SELENOI: variants seen among roughly 807,000 people sequenced by gnomAD.
SELENOI encodes the protein ethanolaminephosphotransferase 1.
Under a neutral mutation model 50.7 loss-of-function variants are expected in SELENOI, and 24 were observed. That is an observed-to-expected ratio of 0.47 (90% CI 0.34 to 0.67). The LOEUF is 0.67. SELENOI is among the 30% of genes least tolerant of loss of function. The pLI is 0.01. For synonymous variants in SELENOI, 155 were observed against 170.2 expected (o/e 0.91, Z 0.70); for missense variants, 352 against 461.4 (o/e 0.76, Z 2.17).
intron 4 of SELENOI, among the ~76,000 whole-genome samples, chr2:26,369,526 A>G (rs1677363683): frequency 6.6e-6 from 1 of 152,002 alleles, no homozygotes; most frequent in Non-Finnish European, 1.5e-5. Flanking sequence ...GCGGCATTTT[A>G]TCATTTTTAT....
chr2:26,377,716 G>T (rs1186845006), intron 6 of SELENOI, among the ~76,000 whole-genome samples: 2 of 151,754 alleles, frequency 1.3e-5, no homozygotes, highest in African/African-American at 2.4e-5. Flanking sequence ...AGATTCTTCT[G>T]TTCATTATTA....
intron 1 of SELENOI, 76 bp from the exon 2 acceptor site, chr2:26,364,226 T>C: frequency 9.1e-7 from 1 of 1,102,986 alleles, no homozygotes; most frequent in Non-Finnish European, 1.3e-6. Flanking sequence ...TTACTATTAT[T>C]TTCACCTAAG....
chr2:26,351,254 C>T (rs1676953836), intron 1 of SELENOI, among the ~76,000 whole-genome samples: 1 of 152,040 alleles, frequency 6.6e-6, no homozygotes, highest in African/African-American at 2.4e-5. Context: ...AGACAGGTTT[C>T]GCCATGTTGG....
At chr2:26,358,484 C>T (rs1027204405) in intron 1 of SELENOI, among the ~76,000 whole-genome samples, 1 of 152,152 alleles carries the variant, frequency 6.6e-6, no homozygotes, top group African/African-American at 2.4e-5. Flanking sequence ...CTCAGCCTCC[C>T]AAGGCACTGG....
chr2:26,365,790 T>TA lies in SELENOI; in HGVS notation c.235+852dup, dbSNP rs531973699. Among the ~76,000 whole-genome samples the TA allele has an allele frequency of 2.0e-4, 27 of 137,094 alleles. 1 individual carries two copies. In the South Asian group the frequency reaches 5.9e-3, roughly 30 times the overall value. The allele number at this position is 137,094 out of a possible 152,430, so 89.9% of individuals were successfully genotyped here. A position where few individuals can be genotyped will look rare whatever the true frequency, so the allele number is the denominator to read the frequency against. The stretch of plus-strand genomic sequence containing the variant: ...AGAAAAATTTGGAGTTTCAAACACT[T>TA]AAGACTTTTTTTTTTTTTTTTTTTT... On this transcript the variant is annotated intron_variant, in intron 3 of 9. Transcript: ENST00000260585.
chr2:26,388,031 T>A (rs1328684715), intron 9 of SELENOI, among the ~76,000 whole-genome samples: 1 of 152,238 alleles, frequency 6.6e-6, no homozygotes, highest in Non-Finnish European at 1.5e-5. Context: ...TCTACAAAGT[T>A]GCCCTCATTT....
chr2:26,389,036 A>G lies in SELENOI; in HGVS notation c.1127A>G (p.Tyr376Cys), dbSNP rs1462163840. 1.3e-6 allele frequency: 2 copies of G among 1,589,742 alleles called. No homozygotes were observed. Among genetic ancestry groups the G allele is most frequent in the East Asian group, 2.3e-5 (1 of 44,308 alleles). Residue 376 changes from tyrosine to cysteine, a missense_variant, in exon 10 of 10, where the codon TAC (tyrosine) becomes TGC (cysteine). Physicochemically the swap from Tyr to Cys is radical, Grantham distance 194. Transcript: ENST00000260585. The stretch of plus-strand genomic sequence containing the variant: ...CAGCTGAGCAGCCATTTTCAGATTT[A>G]CCCCTTCTCATTGAGGAAACCAAAC... ...VKQLSSHFQI[Y>C]PFSLRKPNSD...
chr2:26,367,204 C>T lies in SELENOI; in HGVS notation c.294C>T (p.Phe98=), dbSNP rs540641090. ...GGATTGTAGTGGGCATCCTCAACTT[C>T]GTAGCCTACACTCTAGGTAAGGAAT... The part of the protein sequence containing the change: ...WVWIVVGILN[F]VAYTLDGVDG... The change falls in exon 4 of 10, where the codon TTC becomes TTT. Residue 98 remains phenylalanine, a synonymous_variant. Coordinates refer to ENST00000260585, the MANE Select transcript of SELENOI (RefSeq NM_033505.4). The T allele has an allele frequency of 2.4e-5, 38 of 1,609,698 alleles. No homozygotes were observed. In the East Asian group the frequency reaches 3.1e-4, roughly 13 times the overall value.
intron 1 of SELENOI, among the ~76,000 whole-genome samples, chr2:26,348,194 T>C (rs1416232008): frequency 6.6e-6 from 1 of 152,244 alleles, no homozygotes. Flanking sequence ...ATCGTTGCGT[T>C]CCCCTTATGT....
chr2:26,382,713 T>G (rs1677732379), intron 6 of SELENOI, among the ~76,000 whole-genome samples: 1 of 151,992 alleles, frequency 6.6e-6, no homozygotes, highest in African/African-American at 2.4e-5. Flanking sequence ...CTAGGAAGAC[T>G]GGGTGTGGTG....
intron 1 of SELENOI, among the ~76,000 whole-genome samples, chr2:26,362,201 C>G (rs1677193087): frequency 6.6e-6 from 1 of 151,968 alleles, no homozygotes; most frequent in African/African-American, 2.4e-5. Context: ...TCCCGAGTAG[C>G]TAGGAGTACA....
intron 8 of SELENOI, among the ~76,000 whole-genome samples, 160 bp from the exon 9 acceptor site, chr2:26,386,194 T>G (rs965950292): frequency 1.3e-5 from 2 of 152,188 alleles, no homozygotes; most frequent in African/African-American, 4.8e-5. Context: ...AGGGGTCCAG[T>G]TGGGCCCCTA....
At chr2:26,349,093 G>A (rs1360103287) in intron 1 of SELENOI, among the ~76,000 whole-genome samples, 2 of 127,318 alleles carry the variant, frequency 1.6e-5, no homozygotes, top group Admixed American at 2.1e-4. Flanking sequence ...TCAGCTCACT[G>A]AAACCTCCGC....
At chr2:26,365,638 C>T (rs1408221601) in intron 3 of SELENOI, among the ~76,000 whole-genome samples, 2 of 152,054 alleles carry the variant, frequency 1.3e-5, no homozygotes, top group Non-Finnish European at 2.9e-5. Context: ...AGAGAATTTT[C>T]CAACAGTAAT....
chr2:26,394,019 C>A lies in SELENOI; in HGVS notation c.*4916C>A, dbSNP rs1394941406. The stretch of plus-strand genomic sequence containing the variant: ...TTTTTGAATATCTCAAGAGTAAGTT[C>A]TTGACCTGGAACATATATAGTTAGT... On this transcript the variant is annotated 3_prime_UTR_variant, in exon 10 of 10. Coordinates refer to ENST00000260585, the MANE Select transcript of SELENOI (RefSeq NM_033505.4). The surrounding 1 kb of genome is among the most constrained non-coding windows in gnomAD (Gnocchi z 4.1). 1.3e-5 allele frequency: 2 copies of A among 152,152 alleles called. No homozygotes were observed. The highest frequency in any genetic ancestry group is 3.8e-4 in the East Asian group (2 of 5,206). The allele number at this position is 152,152 out of a possible 1,614,324, so 9.4% of individuals were successfully genotyped here.
rs57102834 is a variant in SELENOI, at chr2:26,381,198, C to CTTTTTTTTTTTTTTTTTTTTTTTT, written c.683-2093_683-2070dup. ...TGGATTGTATCTCCTTCAGTTTGGT[C>CTTTTTTTTTTTTTTTTTTTTTTTT]TTTTTTTTTTTTTTTTTTTTTTTTT... On this transcript the variant is annotated intron_variant, in intron 6 of 9. Transcript: ENST00000260585. Among the ~76,000 whole-genome samples the CTTTTTTTTTTTTTTTTTTTTTTTT allele has an allele frequency of 2.3e-4, 7 of 30,198 alleles. 1 individual carries two copies. Among genetic ancestry groups the CTTTTTTTTTTTTTTTTTTTTTTTT allele is most frequent in the African/African-American group, 1.3e-3 (7 of 5,532 alleles). The allele number at this position is 30,198 out of a possible 152,430, so 19.8% of individuals were successfully genotyped here.
At chr2:26,365,795 CTTTTTTTTTTTTT>C (rs55900237) in intron 3 of SELENOI, among the ~76,000 whole-genome samples, 1 of 108,406 alleles carries the variant, frequency 9.2e-6, no homozygotes, top group African/African-American at 4.3e-5. Context: ...ACACTTAAGA[CTTTTTTTTTTTTT>C]TTTTTTTTTT....
chr2:26,353,091 G>C (rs936296286), intron 1 of SELENOI, among the ~76,000 whole-genome samples: 3 of 152,108 alleles, frequency 2.0e-5, no homozygotes, highest in Non-Finnish European at 2.9e-5. Context: ...TGGTGTAGAG[G>C]GCCACATAAA....
chr2:26,381,831 C>T (rs1677711492), intron 6 of SELENOI, among the ~76,000 whole-genome samples: 1 of 152,122 alleles, frequency 6.6e-6, no homozygotes, highest in South Asian at 2.1e-4. Context: ...CTGTTTTAAG[C>T]CAGATGTCTT....
Sources: gnomAD v4.1 joint callset for allele counts (sites outside exome capture counted in the v4.1 genomes callset) on GRCh38, gnomAD v4.1.1 for gene constraint, Gnocchi (gnomAD v3.1) non-coding constraint, MANE v1.5 for transcripts, NCBI Gene and HGNC (gene_info 2026-07-23, HGNC 2026-07-21) for gene names.